Variants in HDAC9 observed in about 807,000 individuals in gnomAD.
The protein encoded by HDAC9 is histone deacetylase 9, also known as MEF-2 interacting transcription repressor (MITR) protein.
A neutral mutation model predicts 139.4 loss-of-function variants in HDAC9; 41 were observed. The observed-to-expected ratio is 0.29, with a 90% CI of 0.23 to 0.38. The LOEUF is 0.38. Among genes scored for constraint, HDAC9 ranks in the 10% least tolerant of loss-of-function variants. HDAC9 has a pLI of 1.00. For missense variants in HDAC9, 1,147 were observed against 1,297.0 expected (o/e 0.88, Z 1.78); for synonymous variants, 517 against 476.2 (o/e 1.09, Z -1.12).
At chr7:18,966,915 A>G (rs1170350910) in intron 24 of HDAC9, among the ~76,000 whole-genome samples, 1 of 152,192 alleles carries the variant, frequency 6.6e-6, no homozygotes, top group Non-Finnish European at 1.5e-5. Flanking sequence ...ACATATTTTA[A>G]TTTCGCTATC....
intron 2 of HDAC9, among the ~76,000 whole-genome samples, chr7:18,216,112 G>C (rs1411889032): frequency 2.0e-5 from 3 of 148,436 alleles, no homozygotes; most frequent in African/African-American, 7.6e-5. Flanking sequence ...GTGTCTGTGT[G>C]TGTGTGTGTG....
chr7:18,426,001 G>T (rs531016951), intron 1 of HDAC9, among the ~76,000 whole-genome samples: 11 of 152,200 alleles, frequency 7.2e-5, no homozygotes, highest in African/African-American at 1.2e-4. Flanking sequence ...GTAGTTGCAG[G>T]CTCTCAGTGG....
chr7:18,099,383 G>A (rs954337807), intron 1 of HDAC9, among the ~76,000 whole-genome samples: 2 of 151,972 alleles, frequency 1.3e-5, no homozygotes, highest in African/African-American at 2.4e-5. Flanking sequence ...CAGGAGAATC[G>A]TTTGGACCCT....
At chr7:18,571,609 T>G (rs552097321) in intron 2 of HDAC9, among the ~76,000 whole-genome samples, 4 of 152,184 alleles carry the variant, frequency 2.6e-5, no homozygotes, top group African/African-American at 9.6e-5. Flanking sequence ...CTTTAAAACT[T>G]TATTTTATTT....
rs148465504 is a variant in HDAC9, at chr7:18,921,296, A to T, written c.2804-14513A>T. Among the ~76,000 whole-genome samples, 1,270 of 152,264 alleles carry T rather than the reference A, an allele frequency of 8.3e-3. 4 individuals are homozygous for T. Among genetic ancestry groups the T allele is most frequent in the Non-Finnish European group, 0.013 (890 of 68,002 alleles). The stretch of plus-strand genomic sequence containing the variant: ...AAACCACCATCAGAGTGAACAGGCA[A>T]CCTACAGAATGGGAGAAAATTTTTG... On this transcript the variant is annotated intron_variant, in intron 22 of 25. Transcript: ENST00000686413.
chr7:18,651,960 C>T (rs1776090366), intron 11 of HDAC9, among the ~76,000 whole-genome samples: 2 of 152,024 alleles, frequency 1.3e-5, no homozygotes, highest in African/African-American at 4.8e-5. Flanking sequence ...AATGATTTAT[C>T]TCTGCTCATG....
intron 2 of HDAC9, among the ~76,000 whole-genome samples, chr7:18,562,591 A>C (rs1563288418): frequency 6.6e-6 from 1 of 152,096 alleles, no homozygotes; most frequent in Non-Finnish European, 1.5e-5. Context: ...CTGGATTCTA[A>C]TTTCTATACC....
chr7:18,161,963 T>C (rs796555905), intron 1 of HDAC9, among the ~76,000 whole-genome samples: 25 of 152,330 alleles, frequency 1.6e-4, no homozygotes, highest in African/African-American at 6.0e-4. Flanking sequence ...ATTATAATTA[T>C]GTGAATTGCT....
chr7:18,495,817 G>C lies in HDAC9; in HGVS notation c.-248G>C. ...GCCACTTGCAGGACTGAGGGTTTTT[G>C]CAACAAAACCCTAGCAGCCTGAAGA... On this transcript the variant is annotated 5_prime_UTR_variant, in exon 1 of 26. Transcript: ENST00000686413. The C allele has an allele frequency of 2.0e-6, 2 of 1,015,724 alleles. No homozygotes were observed. The highest frequency in any genetic ancestry group is 2.4e-6 in the Non-Finnish European group (2 of 850,274). The allele number at this position is 1,015,724 out of a possible 1,614,324, so 62.9% of individuals were successfully genotyped here. A position where few individuals can be genotyped will look rare whatever the true frequency, so the allele number is the denominator to read the frequency against.
intron 1 of HDAC9, among the ~76,000 whole-genome samples, chr7:18,387,490 C>A (rs1332123213): frequency 6.6e-6 from 1 of 152,128 alleles, no homozygotes; most frequent in Non-Finnish European, 1.5e-5. Flanking sequence ...AAACAGTTGT[C>A]GTGTGGGCTT....
intron 1 of HDAC9, among the ~76,000 whole-genome samples, chr7:18,438,059 G>GTA (rs911244029): frequency 2.0e-5 from 3 of 150,128 alleles, no homozygotes; most frequent in Admixed American, 2.0e-4. Context: ...ATATAAAGTG[G>GTA]TATATATATA....
chr7:18,586,205 A>G (rs986051553), intron 3 of HDAC9, among the ~76,000 whole-genome samples: 15 of 152,118 alleles, frequency 9.9e-5, no homozygotes, highest in African/African-American at 3.6e-4. Context: ...ATTTTTAATA[A>G]TAACTTATTT....
chr7:18,810,649 C>T (rs1376830879), intron 17 of HDAC9, among the ~76,000 whole-genome samples: 1 of 151,810 alleles, frequency 6.6e-6, no homozygotes, highest in African/African-American at 2.4e-5. Context: ...ATTTAAATCA[C>T]CCCAGAAAGT....
intron 9 of HDAC9, among the ~76,000 whole-genome samples, chr7:18,645,422 G>T (rs1430580634): frequency 6.6e-6 from 1 of 152,112 alleles, no homozygotes; most frequent in Admixed American, 6.6e-5. Context: ...GGCTCTTTCG[G>T]GAAGAAAGCA....
At chr7:18,790,587 A>G (rs1792216971) in intron 16 of HDAC9, among the ~76,000 whole-genome samples, 1 of 152,216 alleles carries the variant, frequency 6.6e-6, no homozygotes, top group Non-Finnish European at 1.5e-5. Context: ...GAATGGACAA[A>G]GACAAACTTG....
intron 1 of HDAC9, among the ~76,000 whole-genome samples, chr7:18,398,202 A>G (rs2128730608): frequency 6.6e-6 from 1 of 152,294 alleles, no homozygotes; most frequent in Middle Eastern, 3.4e-3. Flanking sequence ...TTCTTCAACT[A>G]ACAGTATTTC....
chr7:18,841,770 G>A (rs1796599405), intron 21 of HDAC9, among the ~76,000 whole-genome samples: 1 of 152,058 alleles, frequency 6.6e-6, no homozygotes, highest in African/African-American at 2.4e-5. Flanking sequence ...TGAAAATTTA[G>A]ACTTTCACTA....
intron 22 of HDAC9, among the ~76,000 whole-genome samples, chr7:18,917,757 A>T (rs1328348972): frequency 6.6e-6 from 1 of 151,996 alleles, no homozygotes; most frequent in Non-Finnish European, 1.5e-5. Context: ...AGAAAGGGAG[A>T]CTCAGGGAAA....
At chr7:18,303,425 T>TGTGTGTG (rs1554364291) in intron 1 of HDAC9, among the ~76,000 whole-genome samples, 10 of 69,194 alleles carry the variant, frequency 1.4e-4, no homozygotes, top group African/African-American at 5.1e-4. Context: ...GTGTGTGTGT[T>TGTGTGTG]TTTAGTAGAG....
Sources: allele counts gnomAD v4.1 joint callset (sites outside exome capture counted in the v4.1 genomes callset), GRCh38; gene constraint gnomAD v4.1.1; transcripts MANE v1.5; gene names NCBI Gene and HGNC (gene_info 2026-07-23, HGNC 2026-07-21).